PPP1CB: variants seen among roughly 807,000 people sequenced by gnomAD.
The protein encoded by PPP1CB is serine/threonine-protein phosphatase PP1-beta catalytic subunit.
Under a neutral mutation model 43.7 loss-of-function variants are expected in PPP1CB, and 2 were observed. The ratio of observed to expected loss-of-function variants is 0.05; its 90% CI spans 0.02 to 0.14. PPP1CB has a LOEUF of 0.14. Ranked by LOEUF, PPP1CB falls within the 10% of genes least tolerant of loss-of-function variation. PPP1CB has a pLI of 1.00. For synonymous variants in PPP1CB, 136 were observed against 135.6 expected (o/e 1.00, Z -0.02); for missense variants, 84 against 398.0 (o/e 0.21, Z 6.71).
At chr2:28,776,285 G>A (rs979281276) in intron 1 of PPP1CB, among the ~76,000 whole-genome samples, 15 of 151,038 alleles carry the variant, frequency 9.9e-5, no homozygotes, top group East Asian at 5.8e-4. Flanking sequence ...TATTTGAGAC[G>A]GAGTCTCGCT....
chr2:28,772,954 G>A (rs1209388115), intron 1 of PPP1CB, among the ~76,000 whole-genome samples: 4 of 152,124 alleles, frequency 2.6e-5, no homozygotes, highest in African/African-American at 9.7e-5. Flanking sequence ...GAGCAAAAGA[G>A]CATTCTTATG....
rs1666290042 is a variant in PPP1CB at position 28,751,894 on chromosome 2, G to A, written c.-231G>A. 1.7e-6 allele frequency: 1 copy of A among 602,634 alleles called. No individual in the cohort carries two copies. The highest frequency in any genetic ancestry group is 2.9e-5 in the East Asian group (1 of 34,108). The allele number at this position is 602,634 out of a possible 1,614,324, so 37.3% of individuals were successfully genotyped here. ...TGGGTCTGACGCGGCCCTGTTCGAG[G>A]GGGCCTCTCTTGTTTATTTATTTAT... On this transcript the variant is annotated 5_prime_UTR_variant, in exon 1 of 8. Coordinates refer to ENST00000395366, the MANE Select transcript of PPP1CB (RefSeq NM_002709.3).
chr2:28,800,782 A>G lies in PPP1CB; in HGVS notation c.*1479A>G, dbSNP rs1667597678. The G allele has an allele frequency of 1.3e-5, 2 of 152,630 alleles. No homozygotes were observed. Among genetic ancestry groups the G allele is most frequent in the East Asian group, 1.9e-4 (1 of 5,182 alleles). 9.5% of individuals were successfully genotyped at this position (152,630 alleles called of 1,614,324 possible). A position where few individuals can be genotyped will look rare whatever the true frequency, so the allele number is the denominator to read the frequency against. Reference sequence around the variant, plus strand: ...CTTCATAGGGATGGACATCATATCTATAATGCCCTTCTATATGTGCTACCA... The same window carrying G: ...CTTCATAGGGATGGACATCATATCTGTAATGCCCTTCTATATGTGCTACCA... On this transcript the variant is annotated 3_prime_UTR_variant, in exon 8 of 8. Transcript: ENST00000395366.
intron 1 of PPP1CB, among the ~76,000 whole-genome samples, chr2:28,758,813 AC>A (rs1666550326): frequency 6.6e-6 from 1 of 152,248 alleles, no homozygotes; most frequent in South Asian, 2.1e-4. Context: ...CTGTGCAAAG[AC>A]AAGTGGAGAT....
chr2:28,778,562 C>T, intron 2 of PPP1CB: 1 of 509,146 alleles, frequency 2.0e-6, no homozygotes, highest in Non-Finnish European at 3.7e-6. Flanking sequence ...CATTAGACAG[C>T]TGGTTTCATC....
chr2:28,765,331 T>A (rs1666755652), intron 1 of PPP1CB, among the ~76,000 whole-genome samples: 1 of 152,220 alleles, frequency 6.6e-6, no homozygotes, highest in African/African-American at 2.4e-5. Context: ...AGAAGATGTC[T>A]TTTTACACAG....
At chr2:28,768,573 G>A (rs764313786) in intron 1 of PPP1CB, among the ~76,000 whole-genome samples, 17 of 152,194 alleles carry the variant, frequency 1.1e-4, no homozygotes, top group Non-Finnish European at 2.1e-4. Flanking sequence ...TACACCCTGA[G>A]TTTTCCACTG....
At chr2:28,798,482 C>T (rs1458617212) in intron 7 of PPP1CB, among the ~76,000 whole-genome samples, 2 of 152,166 alleles carry the variant, frequency 1.3e-5, no homozygotes, top group African/African-American at 2.4e-5. Context: ...GTGGTACATC[C>T]ATACAATGGA....
At chr2:28,776,493 C>G (rs1426258701) in intron 1 of PPP1CB, among the ~76,000 whole-genome samples, 2 of 152,104 alleles carry the variant, frequency 1.3e-5, no homozygotes, top group Non-Finnish European at 2.9e-5. Context: ...CTCCCGACCT[C>G]AGGTGATCCA....
intron 1 of PPP1CB, among the ~76,000 whole-genome samples, chr2:28,754,153 T>C (rs1233731102): frequency 1.3e-5 from 2 of 152,142 alleles, no homozygotes; most frequent in Admixed American, 1.3e-4. Context: ...TAAAACAGAT[T>C]TATGTTTTAA....
At position 28,784,113 on chromosome 2, in the gene PPP1CB, A is replaced by G. The variant is rs1411625485; in HGVS notation, c.592+135A>G. 49 of 582,892 alleles carry G rather than the reference A, an allele frequency of 8.4e-5. No homozygotes were observed. The East Asian group carries it at 1.4e-3, about 17-fold the overall frequency. The allele number at this position is 582,892 out of a possible 1,614,324, so 36.1% of individuals were successfully genotyped here. A position where few individuals can be genotyped will look rare whatever the true frequency, so the allele number is the denominator to read the frequency against. On this transcript the variant is annotated intron_variant, in intron 5 of 7. Coordinates refer to ENST00000395366, the MANE Select transcript of PPP1CB (RefSeq NM_002709.3). Reference sequence around the variant, plus strand: ...TTCATAGTCAATAAGCCAGCTACAGATTACTTTATTTGCAGTAATACACAA... The same window carrying G: ...TTCATAGTCAATAAGCCAGCTACAGGTTACTTTATTTGCAGTAATACACAA...
intron 6 of PPP1CB, among the ~76,000 whole-genome samples, chr2:28,790,838 G>T (rs915398297): frequency 1.2e-4 from 18 of 152,132 alleles, no homozygotes; most frequent in African/African-American, 3.9e-4. Flanking sequence ...ATTGAATTAG[G>T]CTGATGAGTT....
chr2:28,757,429 A>G (rs973823198), intron 1 of PPP1CB, among the ~76,000 whole-genome samples: 3 of 152,104 alleles, frequency 2.0e-5, no homozygotes, highest in Non-Finnish European at 2.9e-5. Flanking sequence ...TGGTAGCCCT[A>G]TGTTTAACTT....
chr2:28,779,393 A>G (rs757829715), intron 3 of PPP1CB, among the ~76,000 whole-genome samples: 2 of 152,194 alleles, frequency 1.3e-5, no homozygotes, highest in Non-Finnish European at 2.9e-5. Flanking sequence ...GACAGCTTTT[A>G]TTAGTCCTGT....
chr2:28,799,517 TAAATCC>T lies in PPP1CB; in HGVS notation c.*219_*224del, dbSNP rs1257124283. The T allele has an allele frequency of 2.5e-6, 1 of 392,688 alleles. No homozygotes were observed. Among genetic ancestry groups the T allele is most frequent in the Non-Finnish European group, 4.6e-6 (1 of 219,770 alleles). 24.3% of individuals were successfully genotyped at this position (392,688 alleles called of 1,614,324 possible). On this transcript the variant is annotated 3_prime_UTR_variant, in exon 8 of 8. Transcript: ENST00000395366. ...TATACTCTGTTATAGTCAACAAAGT[TAAATCC>T]AAATTCAAAATTATCCATTAAAGTT... is the stretch of plus-strand genomic sequence containing the variant.
At chr2:28,798,418 T>C (rs189917406) in intron 7 of PPP1CB, among the ~76,000 whole-genome samples, 2 of 152,224 alleles carry the variant, frequency 1.3e-5, no homozygotes, top group East Asian at 3.9e-4. Context: ...TTATTCCTTA[T>C]AGCCGAAAAA....
At chr2:28,798,676 T>C (rs1667544972) in intron 7 of PPP1CB, among the ~76,000 whole-genome samples, 1 of 152,026 alleles carries the variant, frequency 6.6e-6, no homozygotes, top group South Asian at 2.1e-4. Flanking sequence ...TGGTTAGAGT[T>C]AGAGGATGTG....
At chr2:28,795,896 AG>A (rs1265281965) in intron 7 of PPP1CB, among the ~76,000 whole-genome samples, 6 of 152,088 alleles carry the variant, frequency 3.9e-5, no homozygotes, top group African/African-American at 1.2e-4. Flanking sequence ...GGTATTTCCT[AG>A]GTTTTCTTCT....
chr2:28,772,330 T>C (rs1244813019), intron 1 of PPP1CB, among the ~76,000 whole-genome samples: 2 of 152,096 alleles, frequency 1.3e-5, no homozygotes, highest in African/African-American at 4.8e-5. Flanking sequence ...CTTGACAACC[T>C]TGGTCCTCGG....
Sources: gnomAD v4.1 joint callset for allele counts (sites outside exome capture counted in the v4.1 genomes callset) on GRCh38, gnomAD v4.1.1 for gene constraint, MANE v1.5 for transcripts, NCBI Gene and HGNC (gene_info 2026-07-23, HGNC 2026-07-21) for gene names.